The following SGCZ variants were observed in gnomAD, a reference collection of about 807,000 sequenced individuals.
The protein encoded by SGCZ is sarcoglycan zeta.
In SGCZ, 40 loss-of-function variants were observed where a neutral mutation model predicts 41.3. That is an observed-to-expected ratio of 0.97 (90% CI 0.75 to 1.26). The LOEUF is 1.26. Ranked by LOEUF, SGCZ falls within the 50% of genes most tolerant of loss-of-function variation. The pLI is 0.00. For missense variants in SGCZ, 552 were observed against 369.8 expected, an observed-to-expected ratio of 1.49 and a Z score of -4.04; for synonymous variants, 206 against 137.5, an observed-to-expected ratio of 1.50 and a Z score of -3.49.
intron 1 of SGCZ, among the ~76,000 whole-genome samples, chr8:14,779,629 C>T (rs1365665389): frequency 6.6e-6 from 1 of 152,064 alleles, no homozygotes; most frequent in Admixed American, 6.6e-5. Flanking sequence ...ATATAAAATT[C>T]AAAATCAACT....
intron 1 of SGCZ, among the ~76,000 whole-genome samples, chr8:14,757,655 T>A (rs1799722393): frequency 6.6e-6 from 1 of 152,166 alleles, no homozygotes; most frequent in African/African-American, 2.4e-5. Flanking sequence ...AAGAAACAAC[T>A]CTTTCGGTTT....
At chr8:15,199,269 G>C (rs1349773290) in intron 1 of SGCZ, among the ~76,000 whole-genome samples, 2 of 152,140 alleles carry the variant, frequency 1.3e-5, no homozygotes, top group East Asian at 1.9e-4. Context: ...TCTTTTACAA[G>C]ATGTGTGTGA....
intron 1 of SGCZ, among the ~76,000 whole-genome samples, chr8:14,560,110 C>T (rs766364328): frequency 1.4e-4 from 21 of 151,674 alleles, no homozygotes; most frequent in African/African-American, 2.7e-4. Flanking sequence ...AAATACAGTT[C>T]GATAGAAGGG....
intron 2 of SGCZ, among the ~76,000 whole-genome samples, chr8:14,444,094 A>C (rs530646276): frequency 6.6e-6 from 1 of 152,328 alleles, no homozygotes; most frequent in Admixed American, 6.5e-5. Context: ...GAGAAATGCA[A>C]ATCAAAACCA....
chr8:14,930,433 C>A (rs1387424795), intron 1 of SGCZ, among the ~76,000 whole-genome samples: 1 of 151,998 alleles, frequency 6.6e-6, no homozygotes, highest in Non-Finnish European at 1.5e-5. Flanking sequence ...TGTGGAGATT[C>A]CTCAAGGATC....
At chr8:14,914,224 G>T (rs1380929367) in intron 1 of SGCZ, among the ~76,000 whole-genome samples, 2 of 143,906 alleles carry the variant, frequency 1.4e-5, no homozygotes, top group African/African-American at 2.8e-5. Context: ...ATATAAATAT[G>T]TATGCGTATA....
chr8:14,190,014 C>CTTTCT lies in SGCZ; in HGVS notation c.425-25313_425-25312insAGAAA, dbSNP rs757923069. ...GAATCTACTTTTTCTTTCTTTCTTT[C>CTTTCT]TTTTTTTTTTTTTTTTGAGACGGAC... On this transcript the variant is annotated intron_variant, in intron 4 of 7. Transcript: ENST00000382080. Among the ~76,000 whole-genome samples the CTTTCT allele has an allele frequency of 1.6e-3, 165 of 100,186 alleles. 4 individuals are homozygous for CTTTCT. Among genetic ancestry groups the CTTTCT allele is most frequent in the Middle Eastern group, 7.4e-3 (1 of 136 alleles). 65.7% of individuals were successfully genotyped at this position (100,186 alleles called of 152,430 possible).
At chr8:14,519,057 A>C (rs951397892) in intron 2 of SGCZ, among the ~76,000 whole-genome samples, 15 of 147,454 alleles carry the variant, frequency 1.0e-4, no homozygotes, top group African/African-American at 3.6e-4. Context: ...CAAGACAGTC[A>C]GACTCTGTCT....
chr8:14,933,507 C>A (rs1168745745), intron 1 of SGCZ, among the ~76,000 whole-genome samples: 1 of 149,072 alleles, frequency 6.7e-6, no homozygotes, highest in Non-Finnish European at 1.5e-5. Flanking sequence ...TCTCTGCTCA[C>A]TGCAAGCTCC....
intron 1 of SGCZ, among the ~76,000 whole-genome samples, chr8:14,890,218 A>AAAAG (rs59779079): frequency 0.068 from 10,287 of 151,392 alleles, 417 homozygotes; most frequent in Middle Eastern, 0.12. Context: ...CTCCATCAAA[A>AAAAG]AAAGAAAGAA....
intron 5 of SGCZ, among the ~76,000 whole-genome samples, 153 bp downstream of exon 5, chr8:14,164,427 C>G (rs1311078022): frequency 6.6e-6 from 1 of 152,180 alleles, no homozygotes; most frequent in African/African-American, 2.4e-5. Flanking sequence ...CAACCAGTGC[C>G]TTCCATTTGA....
intron 2 of SGCZ, among the ~76,000 whole-genome samples, chr8:14,423,389 T>G (rs1799688685): frequency 6.6e-6 from 1 of 152,096 alleles, no homozygotes; most frequent in African/African-American, 2.4e-5. Context: ...AAAATAAATT[T>G]TTCAATAAAT....
intron 4 of SGCZ, among the ~76,000 whole-genome samples, chr8:14,199,897 A>G (rs1038780701): frequency 6.6e-6 from 1 of 152,236 alleles, no homozygotes; most frequent in African/African-American, 2.4e-5. Flanking sequence ...ATTCTAAAGA[A>G]GGAAAAATAA....
chr8:14,974,156 C>A (rs1055475461), intron 1 of SGCZ, among the ~76,000 whole-genome samples: 4 of 152,036 alleles, frequency 2.6e-5, no homozygotes, highest in African/African-American at 9.7e-5. Context: ...TCATGATTTG[C>A]TTTTTTAAAT....
chr8:14,308,744 G>A (rs1024564576), intron 3 of SGCZ, among the ~76,000 whole-genome samples: 2 of 151,794 alleles, frequency 1.3e-5, no homozygotes, highest in African/African-American at 4.8e-5. Flanking sequence ...TTTGTGCCGC[G>A]GTACCATGCC....
chr8:14,361,171 A>T (rs1459678471), intron 2 of SGCZ, among the ~76,000 whole-genome samples: 1 of 152,140 alleles, frequency 6.6e-6, no homozygotes, highest in Non-Finnish European at 1.5e-5. Flanking sequence ...TTCTTTACAT[A>T]TTCCATTTAT....
At chr8:14,250,043 A>G (rs1799233284) in intron 3 of SGCZ, among the ~76,000 whole-genome samples, 2 of 152,212 alleles carry the variant, frequency 1.3e-5, no homozygotes, top group Non-Finnish European at 2.9e-5. Context: ...AGATATTTCT[A>G]AATGAAGACC....
chr8:14,506,980 C>A (rs1358984426), intron 2 of SGCZ, among the ~76,000 whole-genome samples: 1 of 152,106 alleles, frequency 6.6e-6, no homozygotes, highest in East Asian at 1.9e-4. Context: ...GTGATCTTAT[C>A]TCAACTCAAA....
At chr8:14,765,495 C>T (rs920496292) in intron 1 of SGCZ, among the ~76,000 whole-genome samples, 11 of 152,098 alleles carry the variant, frequency 7.2e-5, no homozygotes, top group African/African-American at 4.8e-5. Context: ...AATAAATTCT[C>T]CTCTCTATCC....
Sources: gnomAD v4.1 joint callset for allele counts (sites outside exome capture counted in the v4.1 genomes callset) on GRCh38, gnomAD v4.1.1 for gene constraint, MANE v1.5 for transcripts, NCBI Gene and HGNC (gene_info 2026-07-23, HGNC 2026-07-21) for gene names.